Variants in SH3RF2 observed in about 807,000 individuals in gnomAD.
SH3RF2 encodes SH3 domain containing ring finger 2.
Under a neutral mutation model 59.0 loss-of-function variants are expected in SH3RF2, and 43 were observed. The ratio of observed to expected loss-of-function variants is 0.73; its 90% CI spans 0.57 to 0.94. The LOEUF is 0.94. Ranked by LOEUF, SH3RF2 falls within the 40% of genes least tolerant of loss-of-function variation. SH3RF2 has a pLI of 0.00. For missense variants in SH3RF2, 930 were observed against 940.1 expected, an observed-to-expected ratio of 0.99 and a Z score of 0.14; for synonymous variants, 391 against 391.5, an observed-to-expected ratio of 1.00 and a Z score of 0.01.
chr5:146,044,916 G>T (rs1464706842), intron 5 of SH3RF2, among the ~76,000 whole-genome samples: 1 of 152,166 alleles, frequency 6.6e-6, no homozygotes, highest in African/African-American at 2.4e-5. Flanking sequence ...CCAAGTGGGG[G>T]AAACATGCCC....
chr5:146,064,778 AGGAAGGAAGGAAG>A (rs1763041001), downstream of SH3RF2, among the ~76,000 whole-genome samples: 2 of 10,502 alleles, frequency 1.9e-4, no homozygotes, highest in African/African-American at 5.3e-4. Flanking sequence ...AAGGAAGGAA[AGGAAGGAAGGAAG>A]GAAGGAAGGA....
At chr5:146,056,338 T>C in intron 8 of SH3RF2, 125 bp downstream of exon 8, 5 of 1,417,668 alleles carry the variant, frequency 3.5e-6, no homozygotes, top group Non-Finnish European at 2.8e-6. Flanking sequence ...GCAAAGGGTA[T>C]TATACAATTC....
At position 146,000,176 on chromosome 5, in the gene SH3RF2, A is replaced by T. The variant is rs765386269; in HGVS notation, c.497A>T (p.Glu166Val). The T allele has an allele frequency of 6.2e-7, 1 of 1,613,720 alleles. No homozygotes were observed. Among genetic ancestry groups the T allele is most frequent in the South Asian group, 1.1e-5 (1 of 90,956 alleles). The change falls in exon 3 of 10, where the codon GAA becomes GTA. Residue 166 changes from glutamate to valine, a missense_variant. Physicochemically the swap from Glu to Val is moderately radical, Grantham distance 121. Coordinates refer to ENST00000359120, the MANE Select transcript of SH3RF2 (RefSeq NM_152550.4). ...RQLDENWYQG[E>V]INGISGNFPA... ...CTTGATGAGAATTGGTACCAGGGGG[A>T]AATCAATGGCATCAGCGGGAACTTC...
At chr5:146,035,564 G>A (rs1761909972) in intron 5 of SH3RF2, among the ~76,000 whole-genome samples, 1 of 152,132 alleles carries the variant, frequency 6.6e-6, no homozygotes, top group Admixed American at 6.5e-5. Context: ...CATACCCAGG[G>A]ACATCTGAAT....
At chr5:145,956,551 C>T (rs1057036732) in intron 2 of SH3RF2, among the ~76,000 whole-genome samples, 8 of 152,222 alleles carry the variant, frequency 5.3e-5, no homozygotes, top group African/African-American at 1.9e-4. Flanking sequence ...GCTGGGATTA[C>T]AGGCATGAGA....
intron 8 of SH3RF2, among the ~76,000 whole-genome samples, chr5:146,058,428 A>C (rs1330746441): frequency 6.6e-6 from 1 of 152,144 alleles, no homozygotes; most frequent in Non-Finnish European, 1.5e-5. Flanking sequence ...TAAATGTCTA[A>C]ATTGAAAGGG....
downstream of SH3RF2, among the ~76,000 whole-genome samples, chr5:146,064,586 GGAGAGAGAGAGA>G (rs70998047): frequency 9.7e-5 from 4 of 41,408 alleles, no homozygotes; most frequent in African/African-American, 2.3e-4. Flanking sequence ...GAAGGAAGGG[GGAGAGAGAGAGA>G]GAGAGAGAGA....
At chr5:145,950,961 T>C (rs141212018) in intron 2 of SH3RF2, among the ~76,000 whole-genome samples, 6 of 152,256 alleles carry the variant, frequency 3.9e-5, no homozygotes, top group Non-Finnish European at 7.3e-5. Flanking sequence ...AGCCTTACTA[T>C]GGTTATGGAA....
chr5:145,968,998 T>C (rs960451283), intron 2 of SH3RF2, among the ~76,000 whole-genome samples: 6 of 152,246 alleles, frequency 3.9e-5, no homozygotes, highest in African/African-American at 1.2e-4. Context: ...ATATACATTT[T>C]TTTTAAAGAA....
chr5:145,973,741 G>A (rs1037846273), intron 2 of SH3RF2, among the ~76,000 whole-genome samples: 2 of 152,072 alleles, frequency 1.3e-5, no homozygotes, highest in African/African-American at 4.8e-5. Context: ...AAATAATTCA[G>A]TAAGCAATAT....
intron 2 of SH3RF2, among the ~76,000 whole-genome samples, chr5:145,968,999 T>G (rs1758965655): frequency 6.6e-6 from 1 of 152,228 alleles, no homozygotes; most frequent in African/African-American, 2.4e-5. Context: ...TATACATTTT[T>G]TTTAAAGAAC....
chr5:145,952,811 T>G (rs984807285), intron 2 of SH3RF2, among the ~76,000 whole-genome samples: 1 of 152,146 alleles, frequency 6.6e-6, no homozygotes, highest in African/African-American at 2.4e-5. Context: ...CCAAGAAAGC[T>G]GTGTTATGAG....
chr5:146,060,122 CAA>C lies in SH3RF2; in HGVS notation c.1814_1815del (p.Lys605ArgfsTer7). 1 of 1,614,178 alleles carries C rather than the reference CAA, an allele frequency of 6.2e-7. No individual in the cohort carries two copies. Among genetic ancestry groups the C allele is most frequent in the South Asian group, 1.1e-5 (1 of 91,084 alleles). On this transcript the variant is annotated frameshift_variant, in exon 9 of 10. Transcript: ENST00000359120. LOFTEE classifies it high-confidence loss of function. ...SAASSLIMEDKEIPIKSEPLP... is the reference protein window; with the variant it reads ...SAASSLIMEDXEIPIKSEPLP... ...CGGCCAGCTCCCTCATTATGGAAGA[CAA>C]AGAAATCCCCATCAAGAGTGAGCCT...
At chr5:146,050,943 A>T (rs2150016253) in intron 7 of SH3RF2, among the ~76,000 whole-genome samples, 1 of 152,318 alleles carries the variant, frequency 6.6e-6, no homozygotes, top group South Asian at 2.1e-4. Flanking sequence ...CAAACAAAAG[A>T]CCTGTAGTAG....
At chr5:146,012,143 T>C (rs1038295983) in intron 4 of SH3RF2, among the ~76,000 whole-genome samples, 2 of 152,236 alleles carry the variant, frequency 1.3e-5, no homozygotes, top group African/African-American at 2.4e-5. Context: ...GATAATCATA[T>C]GGTTTTTGTC....
chr5:146,056,295 A>G, intron 8 of SH3RF2, 82 bp downstream of exon 8: 2 of 1,590,916 alleles, frequency 1.3e-6, no homozygotes, highest in Non-Finnish European at 1.7e-6. Context: ...TGCTTTTTGC[A>G]AAAACAGGAT....
intron 2 of SH3RF2, among the ~76,000 whole-genome samples, chr5:145,998,833 C>G (rs758030705): frequency 6.6e-6 from 1 of 152,118 alleles, no homozygotes; most frequent in Non-Finnish European, 1.5e-5. Context: ...ATCACTTGAA[C>G]CCGGGAGGTG....
chr5:146,042,632 ATGG>A (rs1476627982), intron 5 of SH3RF2, among the ~76,000 whole-genome samples: 7 of 152,284 alleles, frequency 4.6e-5, no homozygotes, highest in African/African-American at 1.7e-4. Context: ...TGAGTGGCTG[ATGG>A]TGAAGGCAGC....
intron 5 of SH3RF2, among the ~76,000 whole-genome samples, chr5:146,047,340 T>C (rs1180685510): frequency 6.6e-6 from 1 of 152,226 alleles, no homozygotes; most frequent in African/African-American, 2.4e-5. Flanking sequence ...AAGGATTAAC[T>C]TAGCTGATAC....
Sources: allele counts gnomAD v4.1 joint callset (sites outside exome capture counted in the v4.1 genomes callset), GRCh38; gene constraint gnomAD v4.1.1; transcripts MANE v1.5; gene names NCBI Gene and HGNC (gene_info 2026-07-23, HGNC 2026-07-21).